The following TRPC4 variants were observed in gnomAD, a reference collection of about 807,000 sequenced individuals.
TRPC4 encodes the protein short transient receptor potential channel 4.
TRPC4 carries 49 observed loss-of-function variants against 99.4 expected under a neutral mutation model. That is an observed-to-expected ratio of 0.49 (90% CI 0.39 to 0.63). The LOEUF (loss-of-function observed/expected upper bound fraction) is 0.63, where lower values mean the gene tolerates loss of function less well. TRPC4 is among the 20% of genes least tolerant of loss of function. The pLI is 0.00. For synonymous variants in TRPC4, 454 were observed against 425.9 expected (o/e 1.07, Z -0.81); for missense variants, 898 against 1,152.9 (o/e 0.78, Z 3.20).
chr13:37,714,738 C>G (rs73186546), intron 3 of TRPC4, among the ~76,000 whole-genome samples: 13,277 of 133,568 alleles, frequency 0.099, 770 homozygotes, highest in South Asian at 0.22. Context: ...AATCCCTCAC[C>G]GCTCCTTTAC....
At chr13:37,820,814 C>T (rs982508937) in intron 1 of TRPC4, among the ~76,000 whole-genome samples, 3 of 151,980 alleles carry the variant, frequency 2.0e-5, no homozygotes, top group Non-Finnish European at 4.4e-5. Flanking sequence ...TCTAAAAAGA[C>T]TCACAGCAAA....
chr13:37,666,950 A>G (rs1011574862), intron 5 of TRPC4, among the ~76,000 whole-genome samples: 2 of 152,110 alleles, frequency 1.3e-5, no homozygotes, highest in African/African-American at 4.8e-5. Context: ...TAACAGCCCT[A>G]TTCTGCATTG....
At chr13:37,787,985 G>A (rs1278405089) in intron 1 of TRPC4, among the ~76,000 whole-genome samples, 2 of 151,998 alleles carry the variant, frequency 1.3e-5, no homozygotes, top group African/African-American at 4.8e-5. Flanking sequence ...TATAGGCAGG[G>A]CAAACAATGT....
At chr13:37,773,100 G>A (rs907997323) in intron 2 of TRPC4, among the ~76,000 whole-genome samples, 1 of 151,698 alleles carries the variant, frequency 6.6e-6, no homozygotes, top group African/African-American at 2.4e-5. Context: ...AGGGGCCTCT[G>A]GCTGAAGGAA....
chr13:37,777,872 T>G (rs1262253785), intron 2 of TRPC4, among the ~76,000 whole-genome samples: 6 of 151,936 alleles, frequency 3.9e-5, no homozygotes, highest in Non-Finnish European at 8.8e-5. Context: ...CTTGTCCAAT[T>G]AGTAAGTGGT....
At chr13:37,785,496 T>G (rs1189651582) in intron 1 of TRPC4, among the ~76,000 whole-genome samples, 1 of 152,118 alleles carries the variant, frequency 6.6e-6, no homozygotes, top group Non-Finnish European at 1.5e-5. Flanking sequence ...TGAATTTTTA[T>G]TTTAGAGTTG....
At chr13:37,827,873 C>A (rs12855806) in intron 1 of TRPC4, among the ~76,000 whole-genome samples, 43,562 of 152,042 alleles carry the variant, frequency 0.29, 6,436 homozygotes, top group East Asian at 0.43. Flanking sequence ...CCCCTAGCCT[C>A]GCTGCTGCCT....
At chr13:37,673,801 A>C (rs1035891595) in intron 5 of TRPC4, among the ~76,000 whole-genome samples, 2 of 152,196 alleles carry the variant, frequency 1.3e-5, no homozygotes, top group African/African-American at 4.8e-5. Context: ...TACTGAAATA[A>C]TAATTTCAAT....
rs371107305 is a variant in TRPC4 at position 37,845,556 on chromosome 13, G to A, written c.-28+24039C>T. Reference sequence around the variant, plus strand: ...AAGTTTCAATAGCAGACTTGATCAAGTAGATCAGTGAGCTCAGAGGACATT... The same window carrying A: ...AAGTTTCAATAGCAGACTTGATCAAATAGATCAGTGAGCTCAGAGGACATT... On this transcript the variant is annotated intron_variant, in intron 1 of 10. Transcript: ENST00000379705. Among the ~76,000 whole-genome samples, 5 of 151,968 alleles carry A rather than the reference G, an allele frequency of 3.3e-5. No individual in the cohort carries two copies. In the East Asian group the frequency reaches 5.8e-4, roughly 18 times the overall value.
chr13:37,745,510 A>ATATATATATGTATATATG (rs1566138598), intron 3 of TRPC4, among the ~76,000 whole-genome samples: 107 of 124,990 alleles, frequency 8.6e-4, no homozygotes, highest in African/African-American at 2.8e-3. Flanking sequence ...GTATATATGT[A>ATATATATATGTATATATG]TATATATACG....
At chr13:37,836,201 C>G (rs1001036977) in intron 1 of TRPC4, among the ~76,000 whole-genome samples, 20 of 152,130 alleles carry the variant, frequency 1.3e-4, no homozygotes, top group African/African-American at 4.6e-4. Flanking sequence ...CATTAAACCT[C>G]TTTCTTTTGT....
At chr13:37,804,917 T>C (rs1211404972) in intron 1 of TRPC4, among the ~76,000 whole-genome samples, 1 of 152,052 alleles carries the variant, frequency 6.6e-6, no homozygotes, top group African/African-American at 2.4e-5. Context: ...CAACTAATAA[T>C]TGTATTCACA....
At chr13:37,862,624 T>C (rs1464157066) in intron 1 of TRPC4, among the ~76,000 whole-genome samples, 1 of 151,668 alleles carries the variant, frequency 6.6e-6, no homozygotes, top group Non-Finnish European at 1.5e-5. Flanking sequence ...TTCAGAGTTG[T>C]CATGGGAAAG....
At chr13:37,778,020 TA>T (rs1956753322) in intron 2 of TRPC4, among the ~76,000 whole-genome samples, 1 of 152,060 alleles carries the variant, frequency 6.6e-6, no homozygotes, top group Non-Finnish European at 1.5e-5. Flanking sequence ...AATTAATATT[TA>T]TTGGGCAACA....
chr13:37,656,815 T>G (rs116641169), intron 6 of TRPC4, among the ~76,000 whole-genome samples: 2,461 of 152,282 alleles, frequency 0.016, 66 homozygotes, highest in African/African-American at 0.056. Context: ...AAGGATGAAG[T>G]AGCTGACTCA....
chr13:37,846,979 T>C (rs913997350), intron 1 of TRPC4, among the ~76,000 whole-genome samples: 1 of 151,958 alleles, frequency 6.6e-6, no homozygotes, highest in Non-Finnish European at 1.5e-5. Context: ...TACATAATAA[T>C]AAAGGAATTG....
At chr13:37,785,725 T>C (rs766348142) in intron 1 of TRPC4, among the ~76,000 whole-genome samples, 2 of 152,092 alleles carry the variant, frequency 1.3e-5, no homozygotes, top group African/African-American at 2.4e-5. Flanking sequence ...ATTTTATTAA[T>C]AATACTATCA....
chr13:37,780,605 T>C (rs967586331), intron 2 of TRPC4, among the ~76,000 whole-genome samples: 1 of 152,126 alleles, frequency 6.6e-6, no homozygotes, highest in African/African-American at 2.4e-5. Flanking sequence ...TTATGAAAAC[T>C]GTCATTCCAA....
intron 1 of TRPC4, among the ~76,000 whole-genome samples, chr13:37,804,146 G>T (rs964011261): frequency 8.5e-5 from 13 of 152,058 alleles, no homozygotes; most frequent in Admixed American, 2.0e-4. Context: ...GATGGGAATT[G>T]GTTCAAAACT....
Sources: allele counts gnomAD v4.1 joint callset (sites outside exome capture counted in the v4.1 genomes callset), GRCh38; gene constraint gnomAD v4.1.1; transcripts MANE v1.5; gene names NCBI Gene and HGNC (gene_info 2026-07-23, HGNC 2026-07-21).